Variants in KIAA1328 observed in about 807,000 individuals in gnomAD.
KIAA1328 encodes the protein KIAA1328.
A neutral mutation model predicts 68.1 loss-of-function variants in KIAA1328; 52 were observed. The observed-to-expected ratio is 0.76, with a 90% CI of 0.61 to 0.96. The LOEUF (loss-of-function observed/expected upper bound fraction) is 0.96. Ranked by LOEUF, KIAA1328 falls within the 40% of genes least tolerant of loss-of-function variation. The pLI is 0.00. For synonymous variants in KIAA1328, 232 were observed against 239.4 expected, an observed-to-expected ratio of 0.97 and a Z score of 0.28; for missense variants, 641 against 677.6, an observed-to-expected ratio of 0.95 and a Z score of 0.60.
intron 8 of KIAA1328, among the ~76,000 whole-genome samples, chr18:37,162,406 A>G (rs910560758): frequency 6.6e-6 from 1 of 152,082 alleles, no homozygotes; most frequent in Admixed American, 6.6e-5. Flanking sequence ...CTTTTATTCT[A>G]ATATGGAGCT....
At chr18:37,003,752 T>C (rs2053675003) in intron 6 of KIAA1328, among the ~76,000 whole-genome samples, 1 of 152,136 alleles carries the variant, frequency 6.6e-6, no homozygotes, top group African/African-American at 2.4e-5. Context: ...CTGTCTTGAG[T>C]TGATTTTTGT....
At chr18:37,133,391 G>A (rs1478091083) in intron 7 of KIAA1328, among the ~76,000 whole-genome samples, 2 of 151,910 alleles carry the variant, frequency 1.3e-5, no homozygotes, top group African/African-American at 2.4e-5. Context: ...AGTTGTGACT[G>A]CACTGGAATA....
At chr18:37,153,469 A>G (rs2059082393) in intron 7 of KIAA1328, among the ~76,000 whole-genome samples, 1 of 152,132 alleles carries the variant, frequency 6.6e-6, no homozygotes, top group African/African-American at 2.4e-5. Flanking sequence ...CTGTTGGTTT[A>G]GAGTTGGAAT....
intron 7 of KIAA1328, among the ~76,000 whole-genome samples, chr18:37,136,701 C>G (rs1005216938): frequency 6.6e-5 from 10 of 152,200 alleles, no homozygotes; most frequent in African/African-American, 2.4e-4. Context: ...AATCTTCGTA[C>G]TTTGGTTTAT....
At chr18:37,095,880 G>A (rs1024915324) in intron 7 of KIAA1328, among the ~76,000 whole-genome samples, 5 of 152,070 alleles carry the variant, frequency 3.3e-5, no homozygotes, top group African/African-American at 1.2e-4. Context: ...CTAACAAATT[G>A]GAAAGGAAGA....
intron 7 of KIAA1328, among the ~76,000 whole-genome samples, chr18:37,079,860 C>T (rs1374256222): frequency 4.8e-5 from 7 of 146,944 alleles, no homozygotes; most frequent in Non-Finnish European, 1.0e-4. Context: ...GCACTCTAGC[C>T]TCGGTGACAG....
chr18:37,168,516 C>T (rs1049287903), intron 8 of KIAA1328, among the ~76,000 whole-genome samples: 1 of 152,160 alleles, frequency 6.6e-6, no homozygotes, highest in Non-Finnish European at 1.5e-5. Flanking sequence ...CAATGGAATA[C>T]TACTTAGCAA....
At chr18:36,880,319 T>C (rs1180280761) in intron 4 of KIAA1328, among the ~76,000 whole-genome samples, 1 of 152,132 alleles carries the variant, frequency 6.6e-6, no homozygotes, top group African/African-American at 2.4e-5. Context: ...GGTAAGGTAA[T>C]GCACCATCCT....
chr18:36,991,090 G>A (rs991635598), intron 6 of KIAA1328, among the ~76,000 whole-genome samples: 1 of 152,144 alleles, frequency 6.6e-6, no homozygotes, highest in African/African-American at 2.4e-5. Context: ...AATTATAAAA[G>A]TAAGTTACAT....
At chr18:36,982,106 T>C (rs1390609755) in intron 6 of KIAA1328, among the ~76,000 whole-genome samples, 1 of 142,734 alleles carries the variant, frequency 7.0e-6, no homozygotes, top group Non-Finnish European at 1.5e-5. Flanking sequence ...ATATATAATA[T>C]AATTATATAA....
chr18:37,024,185 G>A (rs899709503), intron 6 of KIAA1328, among the ~76,000 whole-genome samples: 2 of 151,744 alleles, frequency 1.3e-5, no homozygotes, highest in African/African-American at 4.8e-5. Flanking sequence ...GTGGAGATGG[G>A]GTACTGCTAT....
chr18:37,170,802 C>G (rs2059485750), intron 8 of KIAA1328, among the ~76,000 whole-genome samples: 1 of 152,040 alleles, frequency 6.6e-6, no homozygotes, highest in Non-Finnish European at 1.5e-5. Flanking sequence ...GCTTATTTTC[C>G]TTATCTGCAA....
chr18:37,229,548 C>T, downstream of KIAA1328: 1 of 1,272,706 alleles, frequency 7.9e-7, no homozygotes, highest in Non-Finnish European at 1.0e-6. Context: ...TTACTTCTTC[C>T]CTTCTCTTTC....
At chr18:36,882,328 C>A (rs895690738) in intron 4 of KIAA1328, among the ~76,000 whole-genome samples, 7 of 151,980 alleles carry the variant, frequency 4.6e-5, no homozygotes, top group African/African-American at 1.4e-4. Context: ...AAATATAGAC[C>A]ATGATACCCA....
chr18:37,192,612 T>A (rs2059928412), intron 9 of KIAA1328, among the ~76,000 whole-genome samples: 1 of 152,210 alleles, frequency 6.6e-6, no homozygotes, highest in Non-Finnish European at 1.5e-5. Flanking sequence ...TAATATTCTC[T>A]GACTCCAAGC....
At chr18:37,206,196 A>T (rs1421287190) in intron 9 of KIAA1328, among the ~76,000 whole-genome samples, 1 of 152,172 alleles carries the variant, frequency 6.6e-6, no homozygotes, top group Admixed American at 6.5e-5. Flanking sequence ...AGGAAAGAAG[A>T]CCACTGAGTG....
At chr18:36,876,222 A>G (rs2048119242) in intron 4 of KIAA1328, among the ~76,000 whole-genome samples, 1 of 152,028 alleles carries the variant, frequency 6.6e-6, no homozygotes, top group African/African-American at 2.4e-5. Flanking sequence ...TATTGTTTGG[A>G]ATAGTTTCCA....
chr18:36,952,496 A>G (rs974598585), intron 5 of KIAA1328, among the ~76,000 whole-genome samples: 3 of 152,064 alleles, frequency 2.0e-5, no homozygotes, highest in Non-Finnish European at 4.4e-5. Flanking sequence ...TTACATTTGC[A>G]GTTGCCCTGT....
chr18:37,025,847 A>G (rs1206055563), intron 6 of KIAA1328, among the ~76,000 whole-genome samples: 1 of 152,164 alleles, frequency 6.6e-6, no homozygotes, highest in East Asian at 1.9e-4. Context: ...TTCAAAAGCT[A>G]GCAGAAGGCA....
Sources: gnomAD v4.1 joint callset for allele counts (sites outside exome capture counted in the v4.1 genomes callset) on GRCh38, gnomAD v4.1.1 for gene constraint, MANE v1.5 for transcripts, NCBI Gene and HGNC (gene_info 2026-07-23, HGNC 2026-07-21) for gene names.